Variants in EIF2B3 observed in about 807,000 individuals in gnomAD.
EIF2B3 encodes the protein translation initiation factor eIF2B subunit gamma.
A neutral mutation model predicts 54.1 loss-of-function variants in EIF2B3; 20 were observed. That is an observed-to-expected ratio of 0.37 (90% CI 0.26 to 0.54). The LOEUF (loss-of-function observed/expected upper bound fraction) is 0.54. Among genes scored for constraint, EIF2B3 ranks in the 20% least tolerant of loss-of-function variants. The pLI, the probability that EIF2B3 is intolerant of heterozygous loss-of-function variation, is 0.86. For synonymous variants in EIF2B3, 153 were observed against 188.1 expected (o/e 0.81, Z 1.52); for missense variants, 448 against 547.8 (o/e 0.82, Z 1.82).
At chr1:44,982,773 T>A (rs1037033835) in intron 1 of EIF2B3, among the ~76,000 whole-genome samples, 7 of 151,650 alleles carry the variant, frequency 4.6e-5, no homozygotes, top group African/African-American at 1.5e-4. Flanking sequence ...GCTTTTTTTT[T>A]TTTTTTGAGA....
intron 5 of EIF2B3, among the ~76,000 whole-genome samples, chr1:44,905,970 A>G (rs986847332): frequency 1.3e-5 from 2 of 152,178 alleles, no homozygotes; most frequent in Non-Finnish European, 2.9e-5. Context: ...GAGATCTAGA[A>G]GCATCTCACT....
rs539802283 is a variant in EIF2B3, at chr1:44,881,780, C to G, written c.657-41G>C. 6.2e-7 allele frequency: 1 copy of G among 1,611,400 alleles called. No homozygotes were observed. The highest frequency in any genetic ancestry group is 1.1e-5 in the South Asian group (1 of 90,862). On this transcript the variant is annotated intron_variant, in intron 6 of 11. Transcript: ENST00000360403. This position sits in a 1 kb window ranked among gnomAD's most constrained non-coding sequence, Gnocchi z 4.0. Reference sequence around the variant, plus strand: ...GGCCAAATATGAGAAACCTGACTGTCTGGAACATACCCGGATCAAAAGCTC... The same window carrying G: ...GGCCAAATATGAGAAACCTGACTGTGTGGAACATACCCGGATCAAAAGCTC...
intron 4 of EIF2B3, among the ~76,000 whole-genome samples, chr1:44,929,005 T>C (rs1643875823): frequency 6.6e-6 from 1 of 152,216 alleles, no homozygotes; most frequent in Non-Finnish European, 1.5e-5. Context: ...GTTTCATCTA[T>C]AAAATGGGGA....
chr1:44,979,469 T>A (rs1206575018), intron 2 of EIF2B3, among the ~76,000 whole-genome samples: 4 of 125,586 alleles, frequency 3.2e-5, no homozygotes, highest in African/African-American at 9.1e-5. Context: ...AAACCCTGTC[T>A]CTGCCAAAAA....
chr1:44,876,354 G>A (rs1211594427), intron 8 of EIF2B3, among the ~76,000 whole-genome samples: 4 of 144,298 alleles, frequency 2.8e-5, no homozygotes, highest in South Asian at 2.3e-4. Context: ...CCTCTGCCCC[G>A]CCGCCCCGTC....
In EIF2B3 at chr1:44,926,755, GAA is replaced by G. The variant is rs534753916; in HGVS notation, c.455-18_455-17del. 2.0e-5 allele frequency: 31 copies of G among 1,538,264 alleles called. No homozygotes were observed. The African/African-American group carries it at 4.2e-4, about 21-fold the overall frequency. ...CGCTGCTCCACTGAATCATACAAAA[GAA>G]AAAAAAAATCAAATAAAGCCATTTG... On this transcript the variant is annotated splice_polypyrimidine_tract_variant and intron_variant, in intron 4 of 11. Transcript: ENST00000360403.
intron 10 of EIF2B3, among the ~76,000 whole-genome samples, chr1:44,863,999 CT>C (rs1360889299): frequency 1.3e-5 from 2 of 152,166 alleles, no homozygotes; most frequent in African/African-American, 2.4e-5. Flanking sequence ...CCTTTTAGTT[CT>C]GTATGCCCCC....
intron 5 of EIF2B3, among the ~76,000 whole-genome samples, chr1:44,900,482 A>C (rs1221848817): frequency 6.6e-6 from 1 of 150,866 alleles, no homozygotes; most frequent in Non-Finnish European, 1.5e-5. Flanking sequence ...AACAACAGAC[A>C]ACAAGGATAC....
chr1:44,872,771 C>T (rs1655005562), intron 10 of EIF2B3, among the ~76,000 whole-genome samples: 1 of 152,188 alleles, frequency 6.6e-6, no homozygotes, highest in Non-Finnish European at 1.5e-5. Flanking sequence ...CCCTTTCCTC[C>T]CTTCTGACCT....
intron 3 of EIF2B3, among the ~76,000 whole-genome samples, chr1:44,948,470 T>A (rs1644126379): frequency 6.6e-6 from 1 of 152,098 alleles, no homozygotes; most frequent in Non-Finnish European, 1.5e-5. Context: ...CATATGTCTT[T>A]TCCCTGCTCA....
chr1:44,919,431 T>C (rs540765214), intron 5 of EIF2B3, among the ~76,000 whole-genome samples: 8 of 152,276 alleles, frequency 5.3e-5, no homozygotes, highest in African/African-American at 1.9e-4. Context: ...GTGGTTTGCC[T>C]TGGTGTGAAT....
intron 4 of EIF2B3, 67 bp from the exon 5 acceptor site, chr1:44,926,806 G>T: frequency 7.6e-7 from 1 of 1,307,990 alleles, no homozygotes; most frequent in Non-Finnish European, 1.1e-6. Flanking sequence ...AATACACCAG[G>T]GAACACAGTA....
At chr1:44,960,373 C>T (rs368255687) in intron 3 of EIF2B3, among the ~76,000 whole-genome samples, 2 of 152,106 alleles carry the variant, frequency 1.3e-5, no homozygotes, top group East Asian at 3.9e-4. Context: ...GGCGTGGTGG[C>T]TCACATCTGT....
intron 6 of EIF2B3, among the ~76,000 whole-genome samples, chr1:44,888,661 C>T (rs1374415261): frequency 6.6e-6 from 1 of 152,134 alleles, no homozygotes; most frequent in Non-Finnish European, 1.5e-5. Flanking sequence ...AAGAAGGGTA[C>T]CTTAGGATAG....
intron 5 of EIF2B3, among the ~76,000 whole-genome samples, chr1:44,922,073 A>C (rs1643748724): frequency 6.6e-6 from 1 of 150,456 alleles, no homozygotes; most frequent in Non-Finnish European, 1.5e-5. Context: ...CGCTCAGCTA[A>C]TTTTTGTATT....
At chr1:44,973,875 T>G (rs994646603) in intron 3 of EIF2B3, among the ~76,000 whole-genome samples, 1 of 152,080 alleles carries the variant, frequency 6.6e-6, no homozygotes, top group African/African-American at 2.4e-5. Flanking sequence ...GTTATAGAGA[T>G]GGAGGGTGGT....
rs947715464 is a variant in EIF2B3, at chr1:44,986,557, C to G, written c.-74G>C. The G allele has an allele frequency of 6.6e-6, 1 of 152,536 alleles. No individual in the cohort carries two copies. Among genetic ancestry groups the G allele is most frequent in the South Asian group, 2.1e-4 (1 of 4,838 alleles). 9.4% of individuals were successfully genotyped at this position (152,536 alleles called of 1,614,324 possible). A position where few individuals can be genotyped will look rare whatever the true frequency, so the allele number is the denominator to read the frequency against. On this transcript the variant is annotated 5_prime_UTR_variant, in exon 1 of 12. Transcript: ENST00000360403. ...GTCACAGCTATAACTCAGCTCCCGG[C>G]ACGCCGCAACCGCTCCCAGCGATCT...
intron 8 of EIF2B3, among the ~76,000 whole-genome samples, chr1:44,876,677 G>C (rs1320870918): frequency 1.7e-5 from 2 of 118,102 alleles, no homozygotes; most frequent in Admixed American, 9.4e-5. Context: ...GCCCGGCCAC[G>C]ACCCCCTCTG....
chr1:44,946,534 C>A (rs962702544), intron 3 of EIF2B3, among the ~76,000 whole-genome samples: 2 of 149,846 alleles, frequency 1.3e-5, no homozygotes, highest in African/African-American at 2.5e-5. Context: ...AATTCTTGGA[C>A]TCAAGCATCC....
Sources: allele counts gnomAD v4.1 joint callset (sites outside exome capture counted in the v4.1 genomes callset), GRCh38; gene constraint gnomAD v4.1.1; non-coding constraint Gnocchi (gnomAD v3.1); transcripts MANE v1.5; gene names NCBI Gene and HGNC (gene_info 2026-07-23, HGNC 2026-07-21).